AUTS2: variants seen among roughly 807,000 people sequenced by gnomAD.
AUTS2 encodes autism susceptibility gene 2 protein.
AUTS2 carries 17 observed loss-of-function variants against 112.4 expected under a neutral mutation model. The ratio of observed to expected loss-of-function variants is 0.15; its 90% confidence interval spans 0.10 to 0.23. AUTS2 has a LOEUF of 0.23. AUTS2 is among the 10% of genes least tolerant of loss of function. AUTS2 has a pLI of 1.00. For missense variants in AUTS2, 1,510 were observed against 1,701.6 expected (o/e 0.89, Z 1.98); for synonymous variants, 751 against 702.7 (o/e 1.07, Z -1.09).
chr7:69,776,763 A>C (rs1215409152), intron 1 of AUTS2, among the ~76,000 whole-genome samples: 1 of 152,162 alleles, frequency 6.6e-6, no homozygotes, highest in East Asian at 1.9e-4. Flanking sequence ...GTATTCCAGG[A>C]ATGTTTGGAT....
At chr7:69,972,017 G>T (rs1797869612) in intron 2 of AUTS2, among the ~76,000 whole-genome samples, 1 of 152,156 alleles carries the variant, frequency 6.6e-6, no homozygotes, top group South Asian at 2.1e-4. Flanking sequence ...CTGTCTTCCT[G>T]GCTGACTCTA....
intron 2 of AUTS2, among the ~76,000 whole-genome samples, chr7:70,076,411 G>T (rs1383387421): frequency 6.6e-6 from 1 of 152,106 alleles, no homozygotes; most frequent in Non-Finnish European, 1.5e-5. Flanking sequence ...AAAAGATGTT[G>T]AACAAAAAGA....
At chr7:70,180,061 G>A (rs1446812386) in intron 4 of AUTS2, among the ~76,000 whole-genome samples, 1 of 152,146 alleles carries the variant, frequency 6.6e-6, no homozygotes, top group African/African-American at 2.4e-5. Flanking sequence ...GGTACATGTG[G>A]TAAGCGTAGA....
chr7:70,174,391 G>A (rs1440594999), intron 4 of AUTS2, among the ~76,000 whole-genome samples: 1 of 152,216 alleles, frequency 6.6e-6, no homozygotes, highest in Non-Finnish European at 1.5e-5. Context: ...ACAGAAAACT[G>A]CAGGGTGAAA....
chr7:70,487,231 G>A (rs574224645), intron 5 of AUTS2, among the ~76,000 whole-genome samples: 82 of 151,724 alleles, frequency 5.4e-4, no homozygotes, highest in African/African-American at 1.4e-3. Context: ...CCTCCCCCGC[G>A]CCCCCCTCCC....
intron 6 of AUTS2, among the ~76,000 whole-genome samples, chr7:70,721,891 T>C (rs1361700902): frequency 6.6e-6 from 1 of 152,206 alleles, no homozygotes; most frequent in Non-Finnish European, 1.5e-5. Flanking sequence ...GCTTCAGTAT[T>C]CATCTGCTGC....
chr7:70,316,618 C>T (rs888110107), intron 4 of AUTS2, among the ~76,000 whole-genome samples: 1 of 151,896 alleles, frequency 6.6e-6, no homozygotes, highest in Non-Finnish European at 1.5e-5. Context: ...AGGCTGGTCT[C>T]GAACTCCTGG....
At chr7:70,028,527 T>C (rs1361491395) in intron 2 of AUTS2, among the ~76,000 whole-genome samples, 2 of 152,214 alleles carry the variant, frequency 1.3e-5, no homozygotes, top group Admixed American at 1.3e-4. Flanking sequence ...CATTTAATGA[T>C]TGTATCCAGC....
intron 4 of AUTS2, among the ~76,000 whole-genome samples, chr7:70,193,656 A>G (rs1810022041): frequency 6.6e-6 from 1 of 152,234 alleles, no homozygotes; most frequent in Admixed American, 6.5e-5. Context: ...GTCCAGCAAT[A>G]GGAAAAAGAT....
At chr7:69,773,707 C>T (rs531017151) in intron 1 of AUTS2, among the ~76,000 whole-genome samples, 19 of 152,230 alleles carry the variant, frequency 1.2e-4, no homozygotes, top group African/African-American at 1.7e-4. Context: ...GTCAGGAGAA[C>T]GGAGAAGGGT....
At chr7:69,723,325 G>A (rs1799064487) in intron 1 of AUTS2, among the ~76,000 whole-genome samples, 2 of 152,080 alleles carry the variant, frequency 1.3e-5, no homozygotes, top group Admixed American at 1.3e-4. Flanking sequence ...TTGAGAAGGA[G>A]GAAAGAAATG....
At chr7:69,879,259 T>C (rs945908921) in intron 1 of AUTS2, among the ~76,000 whole-genome samples, 1 of 151,858 alleles carries the variant, frequency 6.6e-6, no homozygotes, top group Non-Finnish European at 1.5e-5. Context: ...TCCTCCCACT[T>C]CATCATCCCA....
intron 4 of AUTS2, among the ~76,000 whole-genome samples, chr7:70,173,427 A>G (rs908174696): frequency 1.3e-5 from 2 of 152,084 alleles, no homozygotes; most frequent in Admixed American, 1.3e-4. Flanking sequence ...AGTCTCTGCA[A>G]TGAGCCATTC....
At chr7:69,802,232 G>C (rs759816090) in intron 1 of AUTS2, among the ~76,000 whole-genome samples, 1 of 152,122 alleles carries the variant, frequency 6.6e-6, no homozygotes, top group Non-Finnish European at 1.5e-5. Context: ...TGCCAACTTA[G>C]TTTTATGGAA....
chr7:70,634,051 A>G (rs1180027713), intron 5 of AUTS2, among the ~76,000 whole-genome samples: 3 of 152,126 alleles, frequency 2.0e-5, no homozygotes, highest in Non-Finnish European at 4.4e-5. Flanking sequence ...TACTAGATCC[A>G]TATCATCAGT....
chr7:70,174,104 G>T (rs1808857499), intron 4 of AUTS2, among the ~76,000 whole-genome samples: 1 of 152,218 alleles, frequency 6.6e-6, no homozygotes, highest in Admixed American at 6.5e-5. Flanking sequence ...AGTTGTGAAT[G>T]CAAAGGAAAA....
intron 4 of AUTS2, among the ~76,000 whole-genome samples, chr7:70,281,977 C>CTTTG (rs1788238391): frequency 6.6e-6 from 1 of 152,138 alleles, no homozygotes; most frequent in Non-Finnish European, 1.5e-5. Flanking sequence ...AAGAGCATAA[C>CTTTG]ATGCATTGTT....
intron 4 of AUTS2, among the ~76,000 whole-genome samples, chr7:70,398,529 T>G (rs1794186262): frequency 6.6e-6 from 1 of 152,164 alleles, no homozygotes; most frequent in African/African-American, 2.4e-5. Flanking sequence ...AAAATTTAAA[T>G]TTTTGATTGT....
chr7:69,927,745 G>A (rs75126067), intron 2 of AUTS2, among the ~76,000 whole-genome samples: 12,749 of 152,232 alleles, frequency 0.084, 616 homozygotes, highest in East Asian at 0.13. Context: ...CCAGGTGCCC[G>A]CACAGGTACC....
Sources: gnomAD v4.1 joint callset for allele counts (sites outside exome capture counted in the v4.1 genomes callset) on GRCh38, gnomAD v4.1.1 for gene constraint, MANE v1.5 for transcripts, NCBI Gene and HGNC (gene_info 2026-07-23, HGNC 2026-07-21) for gene names.